The following LARP4B variants were observed in gnomAD, a reference collection of about 807,000 sequenced individuals.
LARP4B encodes la-related protein 4B.
In LARP4B, 12 loss-of-function variants were observed where a neutral mutation model predicts 89.8. The observed-to-expected ratio is 0.13, with a 90% CI of 0.09 to 0.22. The LOEUF is 0.22. Among genes scored for constraint, LARP4B ranks in the 10% least tolerant of loss-of-function variants. LARP4B has a pLI of 1.00. For synonymous variants in LARP4B, 367 were observed against 363.3 expected (o/e 1.01, Z -0.12); for missense variants, 757 against 947.7 (o/e 0.80, Z 2.64).
At chr10:979,092 T>G in the LARP4B span, among the ~76,000 whole-genome samples, 1 of 152,216 alleles carries the variant, frequency 6.6e-6, no homozygotes, top group Non-Finnish European at 1.5e-5. Flanking sequence ...TATTCTGCAT[T>G]CTGTCTATGA....
chr10:977,222 C>T, the LARP4B span, among the ~76,000 whole-genome samples: 2 of 152,098 alleles, frequency 1.3e-5, no homozygotes, highest in Admixed American at 6.6e-5. Context: ...GGTGTGATCA[C>T]AGCTCACTGT....
At chr10:869,941 AATAATAAT>A (rs1835117056) in intron 3 of LARP4B, 16 of 190,362 alleles carry the variant, frequency 8.4e-5, no homozygotes, top group East Asian at 1.9e-4. Context: ...TAATAATAAT[AATAATAAT>A]AAATTAAAAT....
At chr10:860,724 C>T (rs1564412398) in intron 5 of LARP4B, among the ~76,000 whole-genome samples, 1 of 152,148 alleles carries the variant, frequency 6.6e-6, no homozygotes, top group Non-Finnish European at 1.5e-5. Context: ...AAAAACAGTA[C>T]ACACTGTCAA....
chr10:854,604 A>G (rs1226175574), intron 5 of LARP4B, among the ~76,000 whole-genome samples: 1 of 152,048 alleles, frequency 6.6e-6, no homozygotes, highest in African/African-American at 2.4e-5. Context: ...CAGTAGGTCT[A>G]AACAGTAAGC....
At chr10:852,149 C>T (rs1398942950) in intron 5 of LARP4B, among the ~76,000 whole-genome samples, 1 of 152,072 alleles carries the variant, frequency 6.6e-6, no homozygotes, top group South Asian at 2.1e-4. Context: ...TTCACTTCCT[C>T]ATATGAGGGT....
the LARP4B span, among the ~76,000 whole-genome samples, chr10:945,490 T>G: frequency 5.3e-5 from 8 of 151,304 alleles, no homozygotes; most frequent in South Asian, 2.1e-4. Flanking sequence ...ATCGAGACCA[T>G]CCTGGCTAAT....
At chr10:855,593 C>T (rs1834260216) in intron 5 of LARP4B, among the ~76,000 whole-genome samples, 1 of 152,070 alleles carries the variant, frequency 6.6e-6, no homozygotes, top group South Asian at 2.1e-4. Context: ...CACCCCAAAA[C>T]AATGGCAGTA....
intron 8 of LARP4B, 118 bp downstream of exon 8, chr10:836,285 G>T: frequency 1.5e-6 from 1 of 661,284 alleles, no homozygotes. Flanking sequence ...CAGTGTTAAT[G>T]TAAGTACTCA....
At chr10:958,425 A>T in the LARP4B span, among the ~76,000 whole-genome samples, 3 of 152,120 alleles carry the variant, frequency 2.0e-5, no homozygotes, top group African/African-American at 7.2e-5. Context: ...TCCTTTCTTC[A>T]AGGGACCTTT....
At chr10:838,574 C>A (rs1238165130) in intron 7 of LARP4B, among the ~76,000 whole-genome samples, 1 of 152,094 alleles carries the variant, frequency 6.6e-6, no homozygotes, top group Non-Finnish European at 1.5e-5. Context: ...TCACTGCATA[C>A]CTGTCAGCAC....
intron 3 of LARP4B, among the ~76,000 whole-genome samples, chr10:875,716 T>G (rs1371656544): frequency 2.0e-5 from 3 of 152,192 alleles, no homozygotes; most frequent in Non-Finnish European, 4.4e-5. Flanking sequence ...ATGGCACTCA[T>G]CCACTCCTCC....
chr10:893,584 G>A (rs544499787), intron 1 of LARP4B, among the ~76,000 whole-genome samples: 2 of 152,226 alleles, frequency 1.3e-5, no homozygotes, highest in African/African-American at 2.4e-5. Flanking sequence ...CTGTCCTTCC[G>A]TTGAGTCTCC....
chr10:909,234 C>T (rs977746704), intron 1 of LARP4B, among the ~76,000 whole-genome samples: 7 of 140,486 alleles, frequency 5.0e-5, no homozygotes, highest in African/African-American at 8.0e-5. Context: ...GTGGAGCTTG[C>T]GGTGAGCCGA....
chr10:843,704 A>G (rs1017058249), intron 6 of LARP4B, among the ~76,000 whole-genome samples: 11 of 152,190 alleles, frequency 7.2e-5, no homozygotes, highest in African/African-American at 2.7e-4. Context: ...TGACTCAAAA[A>G]AAAAGAAAGA....
At chr10:870,070 C>T in intron 3 of LARP4B, 7 of 985,230 alleles carry the variant, frequency 7.1e-6, no homozygotes, top group Non-Finnish European at 8.4e-6. Flanking sequence ...ACACCGGTAG[C>T]TGAGGAGTGT....
At chr10:988,286 A>C in the LARP4B span, 1 of 582,362 alleles carries the variant, frequency 1.7e-6, no homozygotes, top group Non-Finnish European at 3.1e-6. Context: ...AGGCCCTCAC[A>C]CGCCCTCCGT....
Position 811,568 on chromosome 10 carries a change from G to A in LARP4B, c.*1358C>T, listed in dbSNP as rs910332620. 2.6e-5 allele frequency: 4 copies of A among 152,510 alleles called. No homozygotes were observed. The highest frequency in any genetic ancestry group is 9.7e-5 in the African/African-American group (4 of 41,380). The allele number at this position is 152,510 out of a possible 1,614,324, so 9.4% of individuals were successfully genotyped here. Reference sequence around the variant, plus strand: ...GACCCACTCACGCCAACCCAGGGCCGGGCTCCATGGACTCTAAGCTGTCTT... The same window carrying A: ...GACCCACTCACGCCAACCCAGGGCCAGGCTCCATGGACTCTAAGCTGTCTT... On this transcript the variant is annotated 3_prime_UTR_variant, in exon 18 of 18. Coordinates refer to ENST00000316157, the MANE Select transcript of LARP4B (RefSeq NM_015155.3).
upstream of LARP4B, among the ~76,000 whole-genome samples, chr10:932,735 C>T (rs1352857721): frequency 6.8e-6 from 1 of 146,398 alleles, no homozygotes; most frequent in Non-Finnish European, 1.5e-5. Flanking sequence ...GAACTCCCGC[C>T]CCACACCTGA....
chr10:819,825 G>T (rs566550479), intron 14 of LARP4B: 2 of 152,256 alleles, frequency 1.3e-5, no homozygotes, highest in Admixed American at 6.5e-5. Flanking sequence ...AACAGAGATT[G>T]TATCTTTTGT....
Sources: allele counts gnomAD v4.1 joint callset (sites outside exome capture counted in the v4.1 genomes callset), GRCh38; gene constraint gnomAD v4.1.1; transcripts MANE v1.5; gene names NCBI Gene and HGNC (gene_info 2026-07-23, HGNC 2026-07-21).